The following GNG7 variants were observed in gnomAD, a reference collection of about 807,000 sequenced individuals.
The protein encoded by GNG7 is guanine nucleotide-binding protein G(I)/G(S)/G(O) subunit gamma-7.
A neutral mutation model predicts 4.0 loss-of-function variants in GNG7; 1 was observed. The observed-to-expected ratio is 0.25, with a 90% confidence interval of 0.09 to 1.18. GNG7 has a LOEUF of 1.18. Among genes scored for constraint, GNG7 ranks in the 50% most tolerant of loss-of-function variants. GNG7 has a pLI of 0.50. For synonymous variants in GNG7, 34 were observed against 36.9 expected (o/e 0.92, Z 0.29); for missense variants, 86 against 91.9 (o/e 0.94, Z 0.26).
chr19:2,644,035 T>G (rs1275122614), intron 2 of GNG7, among the ~76,000 whole-genome samples: 3 of 152,056 alleles, frequency 2.0e-5, no homozygotes, highest in Non-Finnish European at 2.9e-5. Context: ...ATTTTATTAT[T>G]TCTGAGATGG....
chr19:2,530,068 G>T (rs777970267), intron 3 of GNG7, among the ~76,000 whole-genome samples: 4 of 152,238 alleles, frequency 2.6e-5, no homozygotes, highest in Non-Finnish European at 5.9e-5. Context: ...CTTGCACAAT[G>T]GTGGATTAGC....
At chr19:2,624,447 C>T (rs917268438) in intron 2 of GNG7, among the ~76,000 whole-genome samples, 8 of 145,052 alleles carry the variant, frequency 5.5e-5, no homozygotes, top group African/African-American at 1.8e-4. Context: ...AGGAGAATGG[C>T]GAGAACCCGG....
chr19:2,609,342 A>G lies in GNG7; in HGVS notation c.-78+36882T>C, dbSNP rs77846239. ...ACCCAGCTAATTTTTGTTTTACACT[A>G]AAGTGTTATTTCATCTTGGTCGCTG... On this transcript the variant is annotated intron_variant, in intron 2 of 4. Transcript: ENST00000382159. This position sits in a 1 kb window ranked among gnomAD's most constrained non-coding sequence, Gnocchi z 4.4. Among the ~76,000 whole-genome samples the G allele has an allele frequency of 7.0e-3, 1,065 of 152,194 alleles. 11 individuals are homozygous for G. The highest frequency in any genetic ancestry group is 0.024 in the African/African-American group (1,011 of 41,524).
intron 3 of GNG7, among the ~76,000 whole-genome samples, chr19:2,525,317 C>G (rs1299144760): frequency 6.6e-6 from 1 of 152,184 alleles, no homozygotes; most frequent in African/African-American, 2.4e-5. Flanking sequence ...TGCACAGGCT[C>G]CTGCAGGCAG....
chr19:2,575,018 G>A lies in GNG7; in HGVS notation c.-77-19830C>T, dbSNP rs753200579. ...ACAATGGTTAACTCTGAGCTGTCAG[G>A]GAACCAGGGAAGAAAGGCTGGTTGG... is the stretch of plus-strand genomic sequence containing the variant. On this transcript the variant is annotated intron_variant, in intron 2 of 4. Transcript: ENST00000382159. Among the ~76,000 whole-genome samples, 177 of 152,066 alleles carry A rather than the reference G, an allele frequency of 1.2e-3. 2 individuals carry two copies. The highest frequency in any genetic ancestry group is 2.0e-3 in the Non-Finnish European group (139 of 68,004).
intron 2 of GNG7, among the ~76,000 whole-genome samples, chr19:2,563,955 G>A (rs1979823696): frequency 1.3e-5 from 2 of 152,110 alleles, no homozygotes; most frequent in East Asian, 3.8e-4. Context: ...TGGAGGAGAC[G>A]GTGAAGGTGG....
chr19:2,512,331 G>A lies in GNG7; in HGVS notation c.*2691C>T. 1.0e-6 allele frequency: 1 copy of A among 985,694 alleles called. No homozygotes were observed. Among genetic ancestry groups the A allele is most frequent in the Non-Finnish European group, 1.2e-6 (1 of 829,904 alleles). The allele number at this position is 985,694 out of a possible 1,614,324, so 61.1% of individuals were successfully genotyped here. On this transcript the variant is annotated 3_prime_UTR_variant, in exon 5 of 5. Coordinates refer to ENST00000382159, the MANE Select transcript of GNG7 (RefSeq NM_052847.3). This position sits in a 1 kb window ranked among gnomAD's most constrained non-coding sequence, Gnocchi z 4.7. ...CGTCTGCAAAGGTATTTTCCACAGT[G>A]TGGTCACTGAAGTCTACTCAAGAAA...
chr19:2,648,172 G>A (rs966701424), intron 1 of GNG7, among the ~76,000 whole-genome samples: 3 of 151,938 alleles, frequency 2.0e-5, no homozygotes, highest in Non-Finnish European at 2.9e-5. Flanking sequence ...GCTTCTTGGT[G>A]GTCACAAGTA....
intron 2 of GNG7, among the ~76,000 whole-genome samples, chr19:2,577,678 G>A (rs1980381255): frequency 7.5e-6 from 1 of 132,702 alleles, no homozygotes. Context: ...TCCAGCCTGG[G>A]TGACAGAGCA....
At chr19:2,522,269 G>A (rs1476940138) in intron 3 of GNG7, among the ~76,000 whole-genome samples, 1 of 152,140 alleles carries the variant, frequency 6.6e-6, no homozygotes, top group East Asian at 1.9e-4. Flanking sequence ...CCAGTGAGGG[G>A]GTTGGTGCTG....
chr19:2,545,258 A>C (rs1179906248), intron 3 of GNG7, among the ~76,000 whole-genome samples: 1 of 152,120 alleles, frequency 6.6e-6, no homozygotes, highest in Non-Finnish European at 1.5e-5. Context: ...GATACTGCTC[A>C]GCACCCTGCA....
intron 3 of GNG7, among the ~76,000 whole-genome samples, chr19:2,543,381 C>T (rs576273264): frequency 2.6e-5 from 4 of 152,082 alleles, no homozygotes; most frequent in East Asian, 3.9e-4. Context: ...CCACCATGCC[C>T]GGCTAATTTT....
intron 3 of GNG7, among the ~76,000 whole-genome samples, chr19:2,553,844 C>G (rs1490049413): frequency 6.9e-6 from 1 of 143,994 alleles, no homozygotes; most frequent in Non-Finnish European, 1.5e-5. Flanking sequence ...TGTAATATTG[C>G]ATACATGTAC....
rs1981575594 is a variant in GNG7, at chr19:2,611,817, C to T, written c.-78+34407G>A. On this transcript the variant is annotated intron_variant, in intron 2 of 4. Coordinates refer to ENST00000382159, the MANE Select transcript of GNG7 (RefSeq NM_052847.3). This position sits in a 1 kb window ranked among gnomAD's most constrained non-coding sequence, Gnocchi z 6.0. ...CGCCACTGCTCTCCAGCCTGGGCGA[C>T]AGAGGGAGATTCTGTCTCTAAAAAA... 1 of 151,940 alleles carries T rather than the reference C, an allele frequency of 6.6e-6. No homozygotes were observed. The highest frequency in any genetic ancestry group is 6.6e-5 in the Admixed American group (1 of 15,248). 9.4% of individuals were successfully genotyped at this position (151,940 alleles called of 1,614,324 possible). A position where few individuals can be genotyped will look rare whatever the true frequency, so the allele number is the denominator to read the frequency against.
intron 2 of GNG7, among the ~76,000 whole-genome samples, chr19:2,607,365 T>TA (rs930975214): frequency 5.3e-5 from 8 of 151,238 alleles, no homozygotes; most frequent in Non-Finnish European, 8.8e-5. Flanking sequence ...TAGTTTCTAC[T>TA]AAAAATTCAA....
rs556184235 is a variant in GNG7 at position 2,633,709 on chromosome 19, G to A, written c.-78+12515C>T. ...GCTTGAAAACGGGTGTCTGTTTACC[G>A]GGGCTTGAGTGGGAGCTGTAGTAAT... is the stretch of plus-strand genomic sequence containing the variant. On this transcript the variant is annotated intron_variant, in intron 2 of 4. Transcript: ENST00000382159. This position sits in a 1 kb window ranked among gnomAD's most constrained non-coding sequence, Gnocchi z 5.9. Among the ~76,000 whole-genome samples the A allele has an allele frequency of 2.0e-5, 3 of 152,218 alleles. No individual in the cohort carries two copies. The highest frequency in any genetic ancestry group is 3.9e-4 in the East Asian group (2 of 5,154).
chr19:2,701,452 G>C (rs1436382570), intron 1 of GNG7, among the ~76,000 whole-genome samples: 2 of 110,330 alleles, frequency 1.8e-5, no homozygotes, highest in Non-Finnish European at 3.6e-5. Flanking sequence ...ACACTCACAA[G>C]CTCCCCATTT....
At chr19:2,664,284 G>A (rs1427545491) in intron 1 of GNG7, among the ~76,000 whole-genome samples, 1 of 152,236 alleles carries the variant, frequency 6.6e-6, no homozygotes, top group Non-Finnish European at 1.5e-5. Flanking sequence ...GTCAACCTCA[G>A]CCTTCACTCA....
chr19:2,559,562 C>G (rs190991751), intron 2 of GNG7, among the ~76,000 whole-genome samples: 2 of 151,788 alleles, frequency 1.3e-5, no homozygotes, highest in Middle Eastern at 3.2e-3. Context: ...GTTGCCCAGG[C>G]TGGAGTACAA....
Sources: allele counts gnomAD v4.1 joint callset (sites outside exome capture counted in the v4.1 genomes callset), GRCh38; gene constraint gnomAD v4.1.1; non-coding constraint Gnocchi (gnomAD v3.1); transcripts MANE v1.5; gene names NCBI Gene and HGNC (gene_info 2026-07-23, HGNC 2026-07-21).